Variants in ABL1 observed in about 807,000 individuals in gnomAD.
ABL1 encodes tyrosine-protein kinase ABL1.
ABL1 carries 11 observed loss-of-function variants against 94.7 expected under a neutral mutation model. The ratio of observed to expected loss-of-function variants is 0.12; its 90% confidence interval spans 0.07 to 0.19. The LOEUF (loss-of-function observed/expected upper bound fraction) is 0.19, where lower values mean the gene tolerates loss of function less well. Among genes scored for constraint, ABL1 ranks in the 10% least tolerant of loss-of-function variants. ABL1 has a pLI of 1.00. For synonymous variants in ABL1, 656 were observed against 622.4 expected, an observed-to-expected ratio of 1.05 and a Z score of -0.80; for missense variants, 1,082 against 1,489.4, an observed-to-expected ratio of 0.73 and a Z score of 4.50.
chr9:130,787,269 G>A (rs560238693), intron 1 of ABL1, among the ~76,000 whole-genome samples: 13 of 152,178 alleles, frequency 8.5e-5, no homozygotes, highest in African/African-American at 2.4e-4. Flanking sequence ...GGCAGGTACT[G>A]TGTGCCTGGA....
In ABL1 at chr9:130,739,386, A is replaced by T. The variant is rs940285019; in HGVS notation, c.136+24931A>T. Among the ~76,000 whole-genome samples, 10 of 151,626 alleles carry T rather than the reference A, an allele frequency of 6.6e-5. No homozygotes were observed. In the East Asian group the frequency reaches 9.6e-4, roughly 15 times the overall value. On this transcript the variant is annotated intron_variant, in intron 1 of 10. Coordinates refer to the ABL1 transcript ENST00000372348. ...GATTTTTTTTTTTTGAAGGCTTTTT[A>T]AAAAAGTTTAATTGAGATATGGTTA...
chr9:130,858,211 G>A (rs936245383), intron 3 of ABL1, among the ~76,000 whole-genome samples: 17 of 151,820 alleles, frequency 1.1e-4, no homozygotes, highest in African/African-American at 4.1e-4. Flanking sequence ...CATTAGCTAG[G>A]GGTTGATCTA....
intron 1 of ABL1, among the ~76,000 whole-genome samples, chr9:130,750,709 C>A (rs1279838833): frequency 1.5e-5 from 2 of 133,328 alleles, no homozygotes; most frequent in Non-Finnish European, 3.0e-5. Context: ...TGCAATGGCA[C>A]AATCTCGGCT....
At position 130,885,059 on chromosome 9, in the gene ABL1, C is replaced by T. The variant is rs761516245; in HGVS notation, c.2769C>T (p.Ala923=). 2.0e-5 allele frequency: 32 copies of T among 1,609,584 alleles called. No individual in the cohort carries two copies. Among genetic ancestry groups the T allele is most frequent in the East Asian group, 6.7e-5 (3 of 44,794 alleles). ...KPSQSPSQEA[A]GEAVLGAKTK... The stretch of plus-strand genomic sequence containing the variant: ...CGCAGAGCCCGAGCCAGGAGGCGGC[C>T]GGGGAGGCAGTCCTGGGCGCAAAGA... Residue 923 remains alanine (A), a synonymous_variant, in exon 11 of 11, where the codon GCC becomes GCT. Transcript: ENST00000318560.
chr9:130,810,613 A>C (rs928893921), intron 1 of ABL1, among the ~76,000 whole-genome samples: 6 of 152,082 alleles, frequency 3.9e-5, no homozygotes, highest in Non-Finnish European at 5.9e-5. Flanking sequence ...AAAATGAAGC[A>C]GAAAAAAAAA....
At chr9:130,860,337 T>C (rs1300621870) in intron 3 of ABL1, among the ~76,000 whole-genome samples, 1 of 152,180 alleles carries the variant, frequency 6.6e-6, no homozygotes, top group Non-Finnish European at 1.5e-5. Flanking sequence ...AAAAATGAAC[T>C]AAGTCACAAC....
chr9:130,717,006 A>T (rs1434569312), intron 1 of ABL1, among the ~76,000 whole-genome samples: 2 of 152,030 alleles, frequency 1.3e-5, no homozygotes, highest in Non-Finnish European at 2.9e-5. Flanking sequence ...GAAATGTATT[A>T]TTTGGAAGAT....
intron 1 of ABL1, among the ~76,000 whole-genome samples, chr9:130,815,974 C>T (rs1327846280): frequency 2.6e-5 from 4 of 152,064 alleles, no homozygotes; most frequent in Non-Finnish European, 2.9e-5. Context: ...GCCAAGACTG[C>T]GCCACTGCAC....
intron 1 of ABL1, among the ~76,000 whole-genome samples, chr9:130,755,897 T>C (rs1384952452): frequency 2.0e-5 from 3 of 152,164 alleles, no homozygotes; most frequent in Admixed American, 2.0e-4. Flanking sequence ...AGGACACAGC[T>C]CAGGGCCTGT....
intron 1 of ABL1, among the ~76,000 whole-genome samples, chr9:130,789,484 A>G (rs1399872955): frequency 6.6e-6 from 1 of 152,066 alleles, no homozygotes; most frequent in African/African-American, 2.4e-5. Flanking sequence ...CAGAGTTTCC[A>G]TAGATCATTG....
At chr9:130,856,905 T>G (rs1830984096) in intron 3 of ABL1, among the ~76,000 whole-genome samples, 1 of 152,232 alleles carries the variant, frequency 6.6e-6, no homozygotes, top group Non-Finnish European at 1.5e-5. Context: ...TTTCCAATCT[T>G]TAGTTATTGT....
At chr9:130,854,001 CT>C (rs1398978752) in intron 1 of ABL1, 62 bp from the exon 2 acceptor site, 1 of 1,518,810 alleles carries the variant, frequency 6.6e-7, no homozygotes, top group African/African-American at 1.4e-5. Context: ...GAGAATAAAA[CT>C]AATTTTTTCT....
intron 1 of ABL1, among the ~76,000 whole-genome samples, chr9:130,788,176 AGTTTGAACACC>A (rs970563221): frequency 6.6e-6 from 1 of 152,236 alleles, no homozygotes; most frequent in African/African-American, 2.4e-5. Flanking sequence ...CATTGGTTTA[AGTTTGAACACC>A]CCTGTTTTAC....
chr9:130,854,306 C>T (rs535943419), intron 2 of ABL1, 69 bp downstream of exon 2: 1 of 1,539,966 alleles, frequency 6.5e-7, no homozygotes, highest in East Asian at 2.3e-5. Flanking sequence ...GTTTGACCTA[C>T]CACCCTTTGC....
chr9:130,809,418 G>C (rs1430236127), intron 1 of ABL1, among the ~76,000 whole-genome samples: 1 of 62,964 alleles, frequency 1.6e-5, no homozygotes, highest in Non-Finnish European at 4.2e-5. Flanking sequence ...GAGAGAGAGA[G>C]TGTGTGTGTG....
chr9:130,793,164 G>C (rs1483779445), intron 1 of ABL1, among the ~76,000 whole-genome samples: 1 of 152,186 alleles, frequency 6.6e-6, no homozygotes, highest in Non-Finnish European at 1.5e-5. Flanking sequence ...GACCTCAGGT[G>C]ATCTGCCCGC....
chr9:130,873,281 G>A (rs1429743256), intron 6 of ABL1, among the ~76,000 whole-genome samples: 2 of 152,248 alleles, frequency 1.3e-5, no homozygotes, highest in East Asian at 3.8e-4. Context: ...AATCCCCGGA[G>A]TAAGGAATAT....
intron 1 of ABL1, among the ~76,000 whole-genome samples, chr9:130,845,328 A>G (rs752201133): frequency 6.6e-6 from 1 of 151,970 alleles, no homozygotes; most frequent in Admixed American, 6.6e-5. Context: ...CCCCATCAAC[A>G]GTCCAAATCT....
intron 3 of ABL1, among the ~76,000 whole-genome samples, chr9:130,856,892 T>A (rs1488705222): frequency 1.3e-5 from 2 of 152,220 alleles, no homozygotes; most frequent in Non-Finnish European, 2.9e-5. Context: ...GACTTTTAGG[T>A]TGTTTCCAAT....
Sources: gnomAD v4.1 joint callset for allele counts (sites outside exome capture counted in the v4.1 genomes callset) on GRCh38, gnomAD v4.1.1 for gene constraint, MANE v1.5 for transcripts, NCBI Gene and HGNC (gene_info 2026-07-23, HGNC 2026-07-21) for gene names.